KCNH7: variants seen among roughly 807,000 people sequenced by gnomAD.
The protein encoded by KCNH7 is potassium voltage-gated channel subfamily H member 7, also known as voltage-gated inwardly rectifying potassium channel KCNH7.
In KCNH7, 49 loss-of-function variants were observed where a neutral mutation model predicts 120.8. The observed-to-expected ratio is 0.41, with a 90% CI of 0.32 to 0.51. The LOEUF (loss-of-function observed/expected upper bound fraction) is 0.51, where lower values mean the gene tolerates loss of function less well. Ranked by LOEUF, KCNH7 falls within the 20% of genes least tolerant of loss-of-function variation. KCNH7 has a pLI of 0.38. For missense variants in KCNH7, 1,097 were observed against 1,446.6 expected, an observed-to-expected ratio of 0.76 and a Z score of 3.92; for synonymous variants, 547 against 516.1, an observed-to-expected ratio of 1.06 and a Z score of -0.81.
intron 2 of KCNH7, among the ~76,000 whole-genome samples, chr2:162,803,762 C>A (rs1684430388): frequency 6.6e-6 from 1 of 151,654 alleles, no homozygotes; most frequent in African/African-American, 2.4e-5. Flanking sequence ...GGAACAGGAA[C>A]ATTTATTGAA....
chr2:162,450,184 C>T (rs1166686722), intron 6 of KCNH7, among the ~76,000 whole-genome samples: 1 of 152,008 alleles, frequency 6.6e-6, no homozygotes, highest in Non-Finnish European at 1.5e-5. Flanking sequence ...GAAAACTATA[C>T]AAATATTTTT....
chr2:162,542,439 C>T (rs1692341849), intron 2 of KCNH7, among the ~76,000 whole-genome samples: 1 of 129,494 alleles, frequency 7.7e-6, no homozygotes, highest in Non-Finnish European at 1.6e-5. Flanking sequence ...TGTGATGTTC[C>T]CCTTCCTGTG....
At chr2:162,595,011 G>C (rs546632971) in intron 2 of KCNH7, among the ~76,000 whole-genome samples, 252 of 152,132 alleles carry the variant, frequency 1.7e-3, no homozygotes, top group African/African-American at 5.7e-3. Context: ...ATGAATGTGT[G>C]TATTAGCCCA....
At chr2:162,657,912 T>C (rs1400200277) in intron 2 of KCNH7, among the ~76,000 whole-genome samples, 1 of 152,060 alleles carries the variant, frequency 6.6e-6, no homozygotes, top group Non-Finnish European at 1.5e-5. Context: ...TATTACAGAC[T>C]GGAAGTTTGT....
At chr2:162,451,162 G>A (rs1228165735) in intron 6 of KCNH7, among the ~76,000 whole-genome samples, 1 of 151,892 alleles carries the variant, frequency 6.6e-6, no homozygotes, top group Non-Finnish European at 1.5e-5. Context: ...ATTGTGTAAT[G>A]TAGATAGTAA....
intron 2 of KCNH7, among the ~76,000 whole-genome samples, chr2:162,563,527 G>A (rs1300322614): frequency 2.0e-5 from 3 of 152,114 alleles, no homozygotes; most frequent in Admixed American, 2.0e-4. Flanking sequence ...GAGTGAAAGG[G>A]TGCAAGCCTA....
At chr2:162,723,618 C>T (rs939460021) in intron 2 of KCNH7, among the ~76,000 whole-genome samples, 1 of 152,162 alleles carries the variant, frequency 6.6e-6, no homozygotes, top group Non-Finnish European at 1.5e-5. Context: ...TCTATAGAGT[C>T]ACACTGTTTA....
intron 2 of KCNH7, among the ~76,000 whole-genome samples, chr2:162,738,067 C>G (rs1362060182): frequency 3.6e-5 from 2 of 56,026 alleles, no homozygotes; most frequent in Non-Finnish European, 8.0e-5. Context: ...GACTTCATAT[C>G]AAAAAAAAAA....
At chr2:162,485,661 T>C (rs981564557) in intron 6 of KCNH7, among the ~76,000 whole-genome samples, 1 of 152,116 alleles carries the variant, frequency 6.6e-6, no homozygotes, top group African/African-American at 2.4e-5. Context: ...GGAGAGAGAA[T>C]GTATGAGAAC....
chr2:162,823,980 G>A (rs1685201835), intron 2 of KCNH7, among the ~76,000 whole-genome samples: 1 of 152,072 alleles, frequency 6.6e-6, no homozygotes, highest in Non-Finnish European at 1.5e-5. Flanking sequence ...TTCTGTAGCA[G>A]AGCATTAGCT....
chr2:162,604,017 T>C (rs1411174896), intron 2 of KCNH7, among the ~76,000 whole-genome samples: 1 of 152,114 alleles, frequency 6.6e-6, no homozygotes, highest in Non-Finnish European at 1.5e-5. Flanking sequence ...GGTGTTTTAA[T>C]TGCTCTTTGA....
At chr2:162,587,286 A>G (rs1349941556) in intron 2 of KCNH7, among the ~76,000 whole-genome samples, 1 of 152,082 alleles carries the variant, frequency 6.6e-6, no homozygotes, top group Non-Finnish European at 1.5e-5. Context: ...TTTCTGGGAA[A>G]TTGTCATGGG....
rs1162592127 is a variant in KCNH7, at chr2:162,538,858, G to A, written c.308-1778C>T. ...ATACTTTTAGAAAGACTTTTTGTAAGTTAGGAATGCCTATGTGCTCCTTAT... is the reference window on the plus strand; with the variant it reads ...ATACTTTTAGAAAGACTTTTTGTAAATTAGGAATGCCTATGTGCTCCTTAT... On this transcript the variant is annotated intron_variant, in intron 2 of 15. Transcript: ENST00000332142. 2.6e-5 allele frequency among the ~76,000 whole-genome samples: 4 copies of A among 152,098 alleles called. 1 individual carries two copies. The highest frequency in any genetic ancestry group is 5.9e-5 in the Non-Finnish European group (4 of 68,004).
At chr2:162,749,498 A>G (rs937951759) in intron 2 of KCNH7, among the ~76,000 whole-genome samples, 2 of 152,188 alleles carry the variant, frequency 1.3e-5, no homozygotes, top group Admixed American at 1.3e-4. Context: ...ATAATACATA[A>G]GTAAATTATA....
chr2:162,790,970 A>C (rs1683916319), intron 2 of KCNH7, among the ~76,000 whole-genome samples: 3 of 152,092 alleles, frequency 2.0e-5, no homozygotes, highest in Admixed American at 6.6e-5. Flanking sequence ...TCTTAGCTGA[A>C]AATATTAGGC....
intron 2 of KCNH7, among the ~76,000 whole-genome samples, chr2:162,650,009 G>A (rs368705321): frequency 2.0e-5 from 3 of 152,194 alleles, no homozygotes; most frequent in East Asian, 3.9e-4. Context: ...CCAGCTTTAC[G>A]TTCTTACAGC....
At chr2:162,433,941 C>T (rs890036759) in intron 8 of KCNH7, among the ~76,000 whole-genome samples, 3 of 151,946 alleles carry the variant, frequency 2.0e-5, no homozygotes, top group Admixed American at 2.0e-4. Context: ...ATGTTCATTG[C>T]AGCAGTATTC....
chr2:162,558,899 C>CA (rs1243861739), intron 2 of KCNH7, among the ~76,000 whole-genome samples: 1 of 150,912 alleles, frequency 6.6e-6, no homozygotes, highest in Non-Finnish European at 1.5e-5. Flanking sequence ...ACTAAAAATG[C>CA]AAAAAATTAG....
intron 6 of KCNH7, among the ~76,000 whole-genome samples, chr2:162,465,087 T>C (rs905907352): frequency 6.6e-6 from 1 of 152,102 alleles, no homozygotes; most frequent in Non-Finnish European, 1.5e-5. Flanking sequence ...AATAAGCAAA[T>C]TCAGCTTTAC....
Sources: allele counts gnomAD v4.1 joint callset (sites outside exome capture counted in the v4.1 genomes callset), GRCh38; gene constraint gnomAD v4.1.1; transcripts MANE v1.5; gene names NCBI Gene and HGNC (gene_info 2026-07-23, HGNC 2026-07-21).